The following QTMAN variants were observed in gnomAD, a reference collection of about 807,000 sequenced individuals.
QTMAN encodes the protein tRNA-queuosine alpha-mannosyltransferase.
At chr2:144,072,556 A>G in the QTMAN span, among the ~76,000 whole-genome samples, 1 of 152,196 alleles carries the variant, frequency 6.6e-6, no homozygotes, top group Non-Finnish European at 1.5e-5. Context: ...GCAAGGCAGA[A>G]CACAGTTCTA....
the QTMAN span, among the ~76,000 whole-genome samples, chr2:144,294,675 G>A: frequency 6.6e-6 from 1 of 152,064 alleles, no homozygotes; most frequent in Admixed American, 6.5e-5. Flanking sequence ...TTGTGGAAGA[G>A]ACTTATAGCT....
At chr2:144,056,150 T>C in the QTMAN span, among the ~76,000 whole-genome samples, 6 of 152,364 alleles carry the variant, frequency 3.9e-5, no homozygotes, top group South Asian at 1.0e-3. Context: ...TATGATGTCA[T>C]ATTTAAAGAA....
the QTMAN span, among the ~76,000 whole-genome samples, chr2:144,197,727 CCTA>C: frequency 6.6e-6 from 1 of 152,096 alleles, no homozygotes; most frequent in African/African-American, 2.4e-5. Context: ...GCCTTCCATT[CCTA>C]CTATTAATGT....
the QTMAN span, among the ~76,000 whole-genome samples, chr2:143,985,250 CAT>C: frequency 2.0e-5 from 3 of 152,222 alleles, no homozygotes; most frequent in African/African-American, 7.2e-5. Flanking sequence ...TGCTCCCTCC[CAT>C]AAGGGACTGA....
the QTMAN span, among the ~76,000 whole-genome samples, chr2:143,975,107 A>G: frequency 6.6e-6 from 1 of 152,274 alleles, no homozygotes; most frequent in African/African-American, 2.4e-5. Context: ...CAGCAAGAAC[A>G]GCTTTTATTC....
the QTMAN span, among the ~76,000 whole-genome samples, chr2:144,094,734 G>A: frequency 6.6e-6 from 1 of 152,112 alleles, no homozygotes; most frequent in Non-Finnish European, 1.5e-5. Flanking sequence ...TTTGGGTGGG[G>A]ACACACAGCC....
the QTMAN span, among the ~76,000 whole-genome samples, chr2:144,175,470 T>G: frequency 6.6e-6 from 1 of 152,088 alleles, no homozygotes; most frequent in Admixed American, 6.6e-5. Context: ...ATACAGAGAA[T>G]GCTTCTGCCC....
the QTMAN span, among the ~76,000 whole-genome samples, chr2:143,974,443 G>T: frequency 2.6e-5 from 4 of 152,030 alleles, no homozygotes; most frequent in Non-Finnish European, 2.9e-5. Flanking sequence ...ATGACCTAAT[G>T]GAATGATAAG....
At chr2:144,110,530 T>TA in the QTMAN span, among the ~76,000 whole-genome samples, 4 of 152,174 alleles carry the variant, frequency 2.6e-5, no homozygotes, top group Non-Finnish European at 5.9e-5. Flanking sequence ...CCCTAGAACT[T>TA]AAAGTGTTAT....
At chr2:144,304,968 G>C in the QTMAN span, among the ~76,000 whole-genome samples, 1 of 152,092 alleles carries the variant, frequency 6.6e-6, no homozygotes, top group Non-Finnish European at 1.5e-5. Flanking sequence ...TTATTGAATT[G>C]TAACAGTTCT....
At chr2:144,319,591 C>T in the QTMAN span, 1 of 151,678 alleles carries the variant, frequency 6.6e-6, no homozygotes, top group Non-Finnish European at 1.5e-5. Context: ...TCCTGAAGTC[C>T]TTGGAATCAT....
the QTMAN span, among the ~76,000 whole-genome samples, chr2:144,305,328 A>G: frequency 6.6e-6 from 1 of 152,230 alleles, no homozygotes; most frequent in Non-Finnish European, 1.5e-5. Context: ...GTGGATACAC[A>G]GTTATCCCAG....
At chr2:144,023,424 G>A in the QTMAN span, among the ~76,000 whole-genome samples, 1 of 152,268 alleles carries the variant, frequency 6.6e-6, no homozygotes, top group Admixed American at 6.5e-5. Context: ...CTGCTCTTAT[G>A]GGAAAAATAA....
At chr2:144,240,120 G>A in the QTMAN span, among the ~76,000 whole-genome samples, 4 of 152,326 alleles carry the variant, frequency 2.6e-5, no homozygotes, top group East Asian at 5.8e-4. Context: ...TGTAAAGCAA[G>A]TGTTTTAAAT....
At chr2:144,024,189 G>A in the QTMAN span, among the ~76,000 whole-genome samples, 1 of 152,218 alleles carries the variant, frequency 6.6e-6, no homozygotes, top group African/African-American at 2.4e-5. Context: ...CAAAAATTGT[G>A]TTACAATATC....
chr2:144,249,946 C>T, the QTMAN span, among the ~76,000 whole-genome samples: 1 of 151,960 alleles, frequency 6.6e-6, no homozygotes, highest in Non-Finnish European at 1.5e-5. Context: ...AAAATGTAAA[C>T]CAATCTAAAA....
At chr2:144,133,116 AATATATATATATATATAT>A in the QTMAN span, among the ~76,000 whole-genome samples, 5 of 41,386 alleles carry the variant, frequency 1.2e-4, no homozygotes, top group African/African-American at 3.8e-4. Flanking sequence ...AATGACTGGT[AATATATATATATATATAT>A]ATATATATAT....
At chr2:144,232,417 A>T in the QTMAN span, among the ~76,000 whole-genome samples, 293 of 152,306 alleles carry the variant, frequency 1.9e-3, 1 homozygote, top group African/African-American at 6.6e-3. Context: ...CCCATAATAG[A>T]TGTATTTCCC....
chr2:144,145,427 A>G, the QTMAN span: 5 of 529,192 alleles, frequency 9.4e-6, no homozygotes, highest in East Asian at 1.5e-4. Flanking sequence ...TATACTGCAG[A>G]AGGAAGAATT....
Sources: allele counts gnomAD v4.1 joint callset (sites outside exome capture counted in the v4.1 genomes callset), GRCh38; gene constraint gnomAD v4.1.1; transcripts MANE v1.5; gene names NCBI Gene and HGNC (gene_info 2026-07-23, HGNC 2026-07-21).